The following GALNT17 variants were observed in gnomAD, a reference collection of about 807,000 sequenced individuals.
The protein encoded by GALNT17 is polypeptide N-acetylgalactosaminyltransferase 17.
Under a neutral mutation model 63.7 loss-of-function variants are expected in GALNT17, and 29 were observed. The observed-to-expected ratio is 0.46, with a 90% CI of 0.34 to 0.62. The LOEUF (loss-of-function observed/expected upper bound fraction) is 0.62. Among genes scored for constraint, GALNT17 ranks in the 20% least tolerant of loss-of-function variants. The pLI, the probability that GALNT17 is intolerant of heterozygous loss-of-function variation, is 0.01. For synonymous variants in GALNT17, 305 were observed against 318.3 expected (o/e 0.96, Z 0.45); for missense variants, 603 against 799.6 (o/e 0.75, Z 2.97).
At chr7:71,140,445 G>A (rs970907160) in intron 1 of GALNT17, among the ~76,000 whole-genome samples, 9 of 152,212 alleles carry the variant, frequency 5.9e-5, no homozygotes, top group African/African-American at 2.2e-4. Flanking sequence ...AGGCACATCT[G>A]TGTTGGCAGG....
chr7:71,289,611 G>A (rs757152761), intron 1 of GALNT17, among the ~76,000 whole-genome samples: 32 of 150,758 alleles, frequency 2.1e-4, no homozygotes, highest in African/African-American at 6.8e-4. Context: ...CGGGTGCAAC[G>A]GCTCACACCT....
intron 2 of GALNT17, among the ~76,000 whole-genome samples, chr7:71,387,321 CT>C (rs905422538): frequency 7.3e-5 from 11 of 149,842 alleles, no homozygotes; most frequent in Non-Finnish European, 1.6e-4. Context: ...TCCTGGTGTT[CT>C]TTTTTTGGGG....
chr7:71,136,910 C>G (rs1787794058), intron 1 of GALNT17, among the ~76,000 whole-genome samples: 1 of 151,988 alleles, frequency 6.6e-6, no homozygotes, highest in South Asian at 2.1e-4. Flanking sequence ...CCTCAGCCTC[C>G]CTAGTAGCAG....
chr7:71,206,545 C>G (rs1009868098), intron 1 of GALNT17, among the ~76,000 whole-genome samples: 1 of 152,118 alleles, frequency 6.6e-6, no homozygotes, highest in Non-Finnish European at 1.5e-5. Context: ...AAATTGCTTT[C>G]CAGAGATTTC....
chr7:71,299,485 A>G (rs1791154075), intron 1 of GALNT17, among the ~76,000 whole-genome samples: 1 of 152,172 alleles, frequency 6.6e-6, no homozygotes, highest in African/African-American at 2.4e-5. Context: ...TTGTTACACC[A>G]TGATTTTTCC....
At chr7:71,624,398 G>A (rs937754203) in intron 6 of GALNT17, among the ~76,000 whole-genome samples, 26 of 152,232 alleles carry the variant, frequency 1.7e-4, no homozygotes, top group African/African-American at 6.3e-4. Flanking sequence ...AGGCCGGTGC[G>A]TTCATGGGGT....
intron 5 of GALNT17, among the ~76,000 whole-genome samples, chr7:71,526,042 G>C (rs532736543): frequency 6.6e-6 from 1 of 151,888 alleles, no homozygotes; most frequent in Non-Finnish European, 1.5e-5. Context: ...GCCCGGCCTC[G>C]AGTATGTCGT....
chr7:71,644,048 G>A (rs949336090), intron 6 of GALNT17, among the ~76,000 whole-genome samples: 3 of 152,074 alleles, frequency 2.0e-5, no homozygotes, highest in Non-Finnish European at 2.9e-5. Flanking sequence ...TCATAACCTC[G>A]GGGAAGCCTC....
chr7:71,188,145 G>A (rs1445700546), intron 1 of GALNT17, among the ~76,000 whole-genome samples: 2 of 152,066 alleles, frequency 1.3e-5, no homozygotes, highest in African/African-American at 2.4e-5. Context: ...GGGCATTTGG[G>A]CTGATTCTGT....
intron 5 of GALNT17, among the ~76,000 whole-genome samples, chr7:71,541,977 G>A (rs189300304): frequency 2.4e-4 from 37 of 152,162 alleles, no homozygotes; most frequent in Non-Finnish European, 4.7e-4. Flanking sequence ...ATGGGAATCA[G>A]GCCCGTTCAT....
chr7:71,249,273 T>G (rs1379107722), intron 1 of GALNT17, among the ~76,000 whole-genome samples: 1 of 152,214 alleles, frequency 6.6e-6, no homozygotes, highest in Non-Finnish European at 1.5e-5. Context: ...TTTTTAGCAC[T>G]TTGTCCTTCT....
intron 6 of GALNT17, among the ~76,000 whole-genome samples, chr7:71,647,229 A>AAT (rs35899079): frequency 7.3e-6 from 1 of 137,516 alleles, no homozygotes; most frequent in Non-Finnish European, 1.5e-5. Flanking sequence ...GTGCCCAGCT[A>AAT]TTTTTTTTTT....
intron 1 of GALNT17, among the ~76,000 whole-genome samples, chr7:71,308,552 T>G (rs541392245): frequency 6.6e-6 from 1 of 152,168 alleles, no homozygotes; most frequent in African/African-American, 2.4e-5. Context: ...TTTGTTAGGC[T>G]CCTCTGGAAT....
At chr7:71,133,981 A>T (rs1480170003) in intron 1 of GALNT17, among the ~76,000 whole-genome samples, 5 of 152,236 alleles carry the variant, frequency 3.3e-5, no homozygotes, top group Non-Finnish European at 7.3e-5. Context: ...GAAGATCGTG[A>T]TAATAATAAC....
intron 2 of GALNT17, among the ~76,000 whole-genome samples, chr7:71,381,848 G>T (rs1792852832): frequency 6.6e-6 from 1 of 152,196 alleles, no homozygotes; most frequent in African/African-American, 2.4e-5. Context: ...CTTTGCAGCT[G>T]CATGAATGTG....
chr7:71,194,127 C>G (rs1034219301), intron 1 of GALNT17, among the ~76,000 whole-genome samples: 3 of 152,112 alleles, frequency 2.0e-5, no homozygotes, highest in Non-Finnish European at 4.4e-5. Flanking sequence ...GTCACTGCAG[C>G]CTTGACCTCC....
chr7:71,390,896 G>T (rs1039636761), intron 3 of GALNT17, among the ~76,000 whole-genome samples: 1 of 152,192 alleles, frequency 6.6e-6, no homozygotes, highest in African/African-American at 2.4e-5. Context: ...GGAAAATCCA[G>T]GAGCAAGTGT....
intron 5 of GALNT17, among the ~76,000 whole-genome samples, chr7:71,500,486 A>C (rs1488495386): frequency 6.6e-6 from 1 of 152,120 alleles, no homozygotes; most frequent in Non-Finnish European, 1.5e-5. Flanking sequence ...TGGTCTCCCC[A>C]GGTCTCAACT....
chr7:71,513,391 T>G (rs930002642), intron 5 of GALNT17, among the ~76,000 whole-genome samples: 23 of 152,098 alleles, frequency 1.5e-4, no homozygotes, highest in Non-Finnish European at 2.8e-4. Flanking sequence ...TGTTTTTTTG[T>G]TTTTTGGTTT....
Sources: gnomAD v4.1 joint callset for allele counts (sites outside exome capture counted in the v4.1 genomes callset) on GRCh38, gnomAD v4.1.1 for gene constraint, MANE v1.5 for transcripts, NCBI Gene and HGNC (gene_info 2026-07-23, HGNC 2026-07-21) for gene names.